Variants in KIAA1586 observed in about 807,000 individuals in gnomAD.
KIAA1586 encodes E3 SUMO-protein ligase KIAA1586.
Under a neutral mutation model 6.1 loss-of-function variants are expected in KIAA1586, and 5 were observed. The observed-to-expected ratio is 0.82, with a 90% CI of 0.43 to 1.73. KIAA1586 has a LOEUF of 1.73. Among genes scored for constraint, KIAA1586 ranks in the 40% most tolerant of loss-of-function variants. KIAA1586 has a pLI of 0.02. For synonymous variants in KIAA1586, 280 were observed against 301.7 expected, an observed-to-expected ratio of 0.93 and a Z score of 0.75; for missense variants, 899 against 878.2, an observed-to-expected ratio of 1.02 and a Z score of -0.30.
the KIAA1586 span, among the ~76,000 whole-genome samples, chr6:57,061,272 G>A: frequency 2.6e-5 from 4 of 152,064 alleles, no homozygotes; most frequent in East Asian, 1.9e-4. Flanking sequence ...CACCGCGCCC[G>A]GCCATGTTCC....
At chr6:57,048,340 G>A (rs2127905679) in intron 2 of KIAA1586, among the ~76,000 whole-genome samples, 1 of 152,260 alleles carries the variant, frequency 6.6e-6, no homozygotes, top group South Asian at 2.1e-4. Flanking sequence ...GGTTTAGGGC[G>A]ACTTTGTAAG....
chr6:57,053,974 C>T lies in KIAA1586; in HGVS notation c.1475C>T (p.Ala492Val). 6.3e-7 allele frequency: 1 copy of T among 1,591,790 alleles called. No homozygotes were observed. Among genetic ancestry groups the T allele is most frequent in the South Asian group, 1.2e-5 (1 of 86,356 alleles). The change falls in exon 4 of 4, where the codon GCT (alanine) becomes GTT (valine). Residue 492 changes from alanine (A) to valine (V), a missense_variant. By Grantham distance (64) the Ala-to-Val change is moderately conservative. Coordinates refer to ENST00000370733, the MANE Select transcript of KIAA1586 (RefSeq NM_020931.4). ...TGGGCGGCATGTAGTTTACAAGCTG[C>T]TACTGCTGTATGGCATGCATATCCT... is the stretch of plus-strand genomic sequence containing the variant. ...PRWAACSLQA[A>V]TAVWHAYPIL...
At chr6:57,061,306 G>T in the KIAA1586 span, among the ~76,000 whole-genome samples, 4 of 152,096 alleles carry the variant, frequency 2.6e-5, no homozygotes, top group African/African-American at 9.7e-5. Flanking sequence ...AAGATGGCCT[G>T]GGAGAGTTGA....
the KIAA1586 span, among the ~76,000 whole-genome samples, chr6:57,061,657 C>T: frequency 7.2e-5 from 11 of 151,988 alleles, no homozygotes; most frequent in South Asian, 2.1e-4. Context: ...CCCAAAATGC[C>T]GGGATTACAG....
rs765645206 is a variant in KIAA1586, at chr6:57,049,569, G to A, written c.106-1205G>A. Among the ~76,000 whole-genome samples the A allele has an allele frequency of 2.6e-4, 39 of 152,008 alleles. 1 individual carries two copies. Among genetic ancestry groups the A allele is most frequent in the Non-Finnish European group, 4.1e-4 (28 of 68,004 alleles). On this transcript the variant is annotated intron_variant, in intron 2 of 3. Coordinates refer to ENST00000370733, the MANE Select transcript of KIAA1586 (RefSeq NM_020931.4). ...AGAAAGGAATGATAAAAGATTTGGG[G>A]ATACAAAAAGAGTCCTTATCTTAAT...
At chr6:57,059,560 C>T (rs1371640029), downstream of KIAA1586, among the ~76,000 whole-genome samples, 2 of 145,758 alleles carry the variant, frequency 1.4e-5, no homozygotes, top group Non-Finnish European at 3.0e-5. Context: ...CACTGCACTC[C>T]AGCCTGGGCG....
rs779313975 is a variant in KIAA1586 at position 57,052,805 on chromosome 6, G to A, written c.306G>A (p.Lys102=). The change falls in exon 4 of 4, where the codon AAG becomes AAA. Residue 102 remains lysine, a synonymous_variant. Transcript: ENST00000370733. ...EVSKNHCRLS[K]AKEPHFEYIE... ...GCAAAAATCACTGCAGATTGTCTAA[G>A]GCAAAGGAACCACATTTCGAGTATA... 1 of 1,613,496 alleles carries A rather than the reference G, an allele frequency of 6.2e-7. No individual in the cohort carries two copies. Among genetic ancestry groups the A allele is most frequent in the Non-Finnish European group, 8.5e-7 (1 of 1,179,684 alleles).
chr6:57,056,937 T>TA (rs1432170969), downstream of KIAA1586, among the ~76,000 whole-genome samples: 1 of 152,036 alleles, frequency 6.6e-6, no homozygotes, highest in African/African-American at 2.4e-5. Context: ...TATTAAAAAT[T>TA]ACAAGGCCTT....
At chr6:57,058,156 AC>A (rs983275161), downstream of KIAA1586, among the ~76,000 whole-genome samples, 2 of 152,148 alleles carry the variant, frequency 1.3e-5, no homozygotes, top group East Asian at 1.9e-4. Flanking sequence ...GAAAAAAAAA[AC>A]ATTTTCTGTC....
Position 57,047,416 on chromosome 6 carries a change from G to C in KIAA1586, c.105+20G>C. 1 of 28,274 alleles carries C rather than the reference G, an allele frequency of 3.5e-5. No individual in the cohort carries two copies. The highest frequency in any genetic ancestry group is 6.4e-5 in the Non-Finnish European group (1 of 15,602). The allele number at this position is 28,274 out of a possible 1,614,324, so 1.8% of individuals were successfully genotyped here. On this transcript the variant is annotated intron_variant, in intron 2 of 3. Transcript: ENST00000370733. ...GTCAGTGTAAGTAGCAATGATGATT[G>C]GGGTTTTCCCAGAGTAAAAGACTAT...
chr6:57,054,699 A>C lies in KIAA1586; in HGVS notation c.2200A>C (p.Met734Leu). ...AACAATAGATCATGTATCAGATTTA[A>C]TGACAATAAATTTACTGGGGAAAGA... ...SLTIDHVSDL[M>L]TINLLGKELA... The change falls in exon 4 of 4, where the codon ATG (methionine) becomes CTG (leucine). Residue 734 changes from methionine to leucine, a missense_variant. Physicochemically the swap from Met to Leu is conservative, Grantham distance 15. Coordinates refer to ENST00000370733, the MANE Select transcript of KIAA1586 (RefSeq NM_020931.4). The C allele has an allele frequency of 6.4e-7, 1 of 1,552,044 alleles. No individual in the cohort carries two copies. Among genetic ancestry groups the C allele is most frequent in the Non-Finnish European group, 8.7e-7 (1 of 1,146,966 alleles).
the KIAA1586 span, among the ~76,000 whole-genome samples, chr6:57,063,281 G>C: frequency 2.0e-5 from 3 of 151,970 alleles, no homozygotes; most frequent in Non-Finnish European, 2.9e-5. Flanking sequence ...TAGAATCGTG[G>C]ATAATTTTTT....
chr6:57,057,265 C>A (rs1828513299), downstream of KIAA1586, among the ~76,000 whole-genome samples: 1 of 151,504 alleles, frequency 6.6e-6, no homozygotes, highest in Admixed American at 6.6e-5. Flanking sequence ...TAGTTAAGCA[C>A]CAAACAATTG....
chr6:57,050,667 G>A (rs547782767), intron 2 of KIAA1586, 107 bp from the exon 3 acceptor site: 51 of 754,992 alleles, frequency 6.8e-5, no homozygotes, highest in Admixed American at 2.4e-4. Flanking sequence ...AGATTTTCTC[G>A]AGAATCTTTC....
chr6:57,065,895 C>G, the KIAA1586 span, among the ~76,000 whole-genome samples: 1 of 152,116 alleles, frequency 6.6e-6, no homozygotes, highest in African/African-American at 2.4e-5. Flanking sequence ...TATCTTTTCA[C>G]TACAATTAAA....
chr6:57,052,594 A>G, intron 3 of KIAA1586, 92 bp from the exon 4 acceptor site: 1 of 958,884 alleles, frequency 1.0e-6, no homozygotes, highest in Non-Finnish European at 1.5e-6. Flanking sequence ...TTTAAAATGT[A>G]TTTCCAAAAT....
downstream of KIAA1586, among the ~76,000 whole-genome samples, chr6:57,056,173 C>T (rs946221990): frequency 6.6e-6 from 1 of 151,214 alleles, no homozygotes; most frequent in African/African-American, 2.4e-5. Context: ...CTCAGCCTCC[C>T]GAGTAGCTAG....
Position 57,054,031 on chromosome 6 carries a change from CTGGTT to C in KIAA1586, c.1536_1540del (p.Leu513GlufsTer5). On this transcript the variant is annotated frameshift_variant, in exon 4 of 4. Coordinates refer to ENST00000370733, the MANE Select transcript of KIAA1586 (RefSeq NM_020931.4). LOFTEE classifies it low-confidence loss of function (END_TRUNC). Reference sequence around the variant, plus strand: ...TATATGCATTTTTCTCATTCTTACTCTGGTTTGGCGAAGAGATTAGCTAACATTAA... The same window carrying C: ...TATATGCATTTTTCTCATTCTTACTCTGGCGAAGAGATTAGCTAACATTAA... The C allele has an allele frequency of 1.2e-6, 2 of 1,610,628 alleles. No individual in the cohort carries two copies. The highest frequency in any genetic ancestry group is 1.7e-6 in the Non-Finnish European group (2 of 1,178,486).
the KIAA1586 span, among the ~76,000 whole-genome samples, chr6:57,063,745 T>C: frequency 6.6e-6 from 1 of 152,150 alleles, no homozygotes; most frequent in African/African-American, 2.4e-5. Context: ...TGAGCCACTG[T>C]GCCTGGCAGA....
Sources: gnomAD v4.1 joint callset for allele counts (sites outside exome capture counted in the v4.1 genomes callset) on GRCh38, gnomAD v4.1.1 for gene constraint, MANE v1.5 for transcripts, NCBI Gene and HGNC (gene_info 2026-07-23, HGNC 2026-07-21) for gene names.